Variants in ROBO2 observed in about 807,000 individuals in gnomAD.
ROBO2 encodes roundabout guidance receptor 2.
In ROBO2, 53 loss-of-function variants were observed where a neutral mutation model predicts 160.8. That is an observed-to-expected ratio of 0.33 (90% CI 0.26 to 0.41). The LOEUF is 0.41. Ranked by LOEUF, ROBO2 falls within the 10% of genes least tolerant of loss-of-function variation. The probability of loss-of-function intolerance (pLI) is 1.00; values close to 1 mark genes in which losing one functional copy is unlikely to be tolerated. For missense variants in ROBO2, 1,577 were observed against 1,722.4 expected, an observed-to-expected ratio of 0.92 and a Z score of 1.49; for synonymous variants, 664 against 611.7, an observed-to-expected ratio of 1.09 and a Z score of -1.26.
intron 2 of ROBO2, among the ~76,000 whole-genome samples, chr3:76,471,404 T>C (rs527308652): frequency 5.3e-5 from 8 of 152,244 alleles, no homozygotes; most frequent in Admixed American, 4.6e-4. Context: ...AACAATAAGC[T>C]GTGAATTACT....
At chr3:77,081,427 A>G (rs1349768475) in intron 1 of ROBO2, among the ~76,000 whole-genome samples, 1 of 152,208 alleles carries the variant, frequency 6.6e-6, no homozygotes, top group Non-Finnish European at 1.5e-5. Flanking sequence ...AAGGATAGCC[A>G]TGAAGAAATG....
At position 76,210,723 on chromosome 3, in the gene ROBO2, G is replaced by A. The variant is rs1044046306; in HGVS notation, c.109+273121G>A. Among the ~76,000 whole-genome samples, 3 of 152,176 alleles carry A rather than the reference G, an allele frequency of 2.0e-5. No homozygotes were observed. In the East Asian group the frequency reaches 5.8e-4, roughly 29 times the overall value. ...ATTTTCAGTAGGCTGTGTGATTAAT[G>A]TTATAATCAAGTGTTTATAAAGTAT... On this transcript the variant is annotated intron_variant, in intron 2 of 26. Coordinates refer to the ROBO2 transcript ENST00000487694.
chr3:76,405,333 G>C (rs187143972), intron 2 of ROBO2, among the ~76,000 whole-genome samples: 15 of 151,326 alleles, frequency 9.9e-5, no homozygotes, highest in Admixed American at 9.9e-4. Context: ...TGAAGTCAGA[G>C]AGAAAGATTG....
intron 2 of ROBO2, among the ~76,000 whole-genome samples, chr3:76,659,493 T>G (rs1301796290): frequency 6.6e-6 from 1 of 151,978 alleles, no homozygotes; most frequent in East Asian, 1.9e-4. Context: ...CTCTGTATTC[T>G]GTTGGCCTGT....
upstream of ROBO2, among the ~76,000 whole-genome samples, chr3:77,035,121 T>C (rs2063550450): frequency 6.6e-6 from 1 of 151,900 alleles, no homozygotes; most frequent in Non-Finnish European, 1.5e-5. Context: ...GGTAAAATCA[T>C]TAGCCTAGTA....
chr3:76,238,060 A>G (rs1705054921), intron 2 of ROBO2, among the ~76,000 whole-genome samples: 1 of 152,180 alleles, frequency 6.6e-6, no homozygotes, highest in South Asian at 2.1e-4. Flanking sequence ...TATGGGTACT[A>G]TGGCAAAAAG....
intron 6 of ROBO2, among the ~76,000 whole-genome samples, chr3:77,543,310 A>G (rs2092560339): frequency 1.3e-5 from 2 of 152,202 alleles, no homozygotes; most frequent in Non-Finnish European, 2.9e-5. Flanking sequence ...CCACAGGGCA[A>G]GAACAATTTT....
chr3:76,505,369 TAAA>T (rs58777126), intron 2 of ROBO2, among the ~76,000 whole-genome samples: 1 of 149,408 alleles, frequency 6.7e-6, no homozygotes, highest in African/African-American at 2.5e-5. Flanking sequence ...GTTCAGCATT[TAAA>T]AAAAAAAAAA....
chr3:77,596,795 C>CTT (rs35328861), intron 19 of ROBO2, 45 bp downstream of exon 20: 24 of 1,412,728 alleles, frequency 1.7e-5, no homozygotes, highest in Non-Finnish European at 2.0e-5. Context: ...TTCTCTCTCT[C>CTT]TTTTTTTTTT....
At chr3:77,634,599 T>G in intron 23 of ROBO2, 1 of 442,598 alleles carries the variant, frequency 2.3e-6, no homozygotes, top group East Asian at 4.3e-5. Flanking sequence ...CATGCAATAT[T>G]GAGTTGTGGA....
intron 2 of ROBO2, among the ~76,000 whole-genome samples, chr3:76,149,058 A>G (rs564836292): frequency 2.6e-5 from 4 of 152,136 alleles, no homozygotes; most frequent in South Asian, 4.1e-4. Context: ...TCTCGTCTCT[A>G]TAAGTGGCAT....
At chr3:76,835,024 T>C (rs1265240080) in intron 2 of ROBO2, among the ~76,000 whole-genome samples, 1 of 152,158 alleles carries the variant, frequency 6.6e-6, no homozygotes, top group East Asian at 1.9e-4. Context: ...ATCTTATAAA[T>C]ATTAAGAATT....
At chr3:76,804,047 CTT>C (rs2064466833) in intron 2 of ROBO2, among the ~76,000 whole-genome samples, 2 of 152,182 alleles carry the variant, frequency 1.3e-5, no homozygotes, top group South Asian at 4.1e-4. Context: ...TTCATAGTCA[CTT>C]TATTCATTCA....
intron 2 of ROBO2, among the ~76,000 whole-genome samples, chr3:76,451,343 C>T (rs2077465660): frequency 6.6e-6 from 1 of 152,114 alleles, no homozygotes; most frequent in African/African-American, 2.4e-5. Flanking sequence ...GTAGCATAAC[C>T]CTTCTTTTGA....
chr3:76,972,185 T>C (rs1023136617), intron 2 of ROBO2, among the ~76,000 whole-genome samples: 6 of 152,112 alleles, frequency 3.9e-5, no homozygotes, highest in African/African-American at 7.2e-5. Flanking sequence ...AAAATCATGA[T>C]GAGTTTCCAG....
intron 2 of ROBO2, among the ~76,000 whole-genome samples, chr3:76,908,688 A>G (rs190485233): frequency 1.3e-3 from 194 of 152,352 alleles, no homozygotes; most frequent in South Asian, 6.8e-3. Flanking sequence ...AATAAAGACC[A>G]GAGAAATCAC....
At chr3:77,296,599 C>G (rs1364523869) in intron 2 of ROBO2, among the ~76,000 whole-genome samples, 1 of 151,984 alleles carries the variant, frequency 6.6e-6, no homozygotes, top group Non-Finnish European at 1.5e-5. Flanking sequence ...CAGTGTATTC[C>G]CTGGACATTG....
intron 2 of ROBO2, among the ~76,000 whole-genome samples, chr3:77,362,989 T>A (rs934944455): frequency 5.3e-5 from 8 of 152,144 alleles, no homozygotes; most frequent in African/African-American, 1.9e-4. Flanking sequence ...TTGCAGGAGC[T>A]ACAATTCAAG....
chr3:76,860,970 C>T (rs1356401203), intron 2 of ROBO2, among the ~76,000 whole-genome samples: 2 of 152,120 alleles, frequency 1.3e-5, no homozygotes, highest in African/African-American at 4.8e-5. Flanking sequence ...TTCAGCCCAT[C>T]CTTATCAAAC....
Sources: gnomAD v4.1 joint callset for allele counts (sites outside exome capture counted in the v4.1 genomes callset) on GRCh38, gnomAD v4.1.1 for gene constraint, MANE v1.5 for transcripts, NCBI Gene and HGNC (gene_info 2026-07-23, HGNC 2026-07-21) for gene names.